MED13: variants seen among roughly 807,000 people sequenced by gnomAD.
The protein encoded by MED13 is mediator complex subunit 13, also known as mediator of RNA polymerase II transcription subunit 13.
A neutral mutation model predicts 225.2 loss-of-function variants in MED13; 23 were observed. The observed-to-expected ratio is 0.10, with a 90% CI of 0.07 to 0.14. The LOEUF is 0.14. Among genes scored for constraint, MED13 ranks in the 10% least tolerant of loss-of-function variants. The pLI, the probability that MED13 is intolerant of heterozygous loss-of-function variation, is 1.00. For missense variants in MED13, 2,197 were observed against 2,594.5 expected, an observed-to-expected ratio of 0.85 and a Z score of 3.33; for synonymous variants, 942 against 889.2, an observed-to-expected ratio of 1.06 and a Z score of -1.06.
intron 8 of MED13, among the ~76,000 whole-genome samples, chr17:62,017,160 C>T (rs1007147247): frequency 3.4e-5 from 5 of 148,842 alleles, no homozygotes; most frequent in Non-Finnish European, 5.9e-5. Context: ...TTGCCCAATT[C>T]GCTTACTTTT....
At chr17:62,047,089 G>A (rs952222553) in intron 3 of MED13, among the ~76,000 whole-genome samples, 8 of 151,494 alleles carry the variant, frequency 5.3e-5, no homozygotes, top group African/African-American at 1.2e-4. Context: ...GAATGAGTTC[G>A]GCTGGGCATG....
At chr17:61,980,790 T>G (rs1241446911) in intron 16 of MED13, among the ~76,000 whole-genome samples, 1 of 152,170 alleles carries the variant, frequency 6.6e-6, no homozygotes, top group Non-Finnish European at 1.5e-5. Flanking sequence ...TTGCCCAGGC[T>G]GGAGTGCAGT....
chr17:62,034,129 T>C (rs949832529), intron 4 of MED13, 145 bp from the exon 5 acceptor site: 23 of 662,892 alleles, frequency 3.5e-5, no homozygotes, highest in African/African-American at 2.9e-4. Context: ...AATCAACTTA[T>C]TATACTTCGT....
chr17:62,039,566 G>A (rs2080835208), intron 3 of MED13, among the ~76,000 whole-genome samples: 1 of 148,288 alleles, frequency 6.7e-6, no homozygotes, highest in South Asian at 2.1e-4. Context: ...TTACAGGCAT[G>A]AACCACCGCA....
chr17:62,042,560 CAAA>C (rs377646442), intron 3 of MED13, among the ~76,000 whole-genome samples: 2 of 60,300 alleles, frequency 3.3e-5, no homozygotes, highest in Admixed American at 1.9e-4. Context: ...GGTTTCATCT[CAAA>C]AAAAAAAAAA....
chr17:61,987,568 C>T (rs907884233), intron 11 of MED13, among the ~76,000 whole-genome samples: 6 of 151,854 alleles, frequency 4.0e-5, no homozygotes, highest in Middle Eastern at 3.4e-3. Context: ...TGTTTAAAAT[C>T]GAGAAAGTGT....
At chr17:62,006,121 A>G (rs1208971681) in intron 9 of MED13, 1 of 152,180 alleles carries the variant, frequency 6.6e-6, no homozygotes, top group African/African-American at 2.4e-5. Flanking sequence ...AGCCTACAAT[A>G]TGCAAAAGAA....
In MED13 at chr17:61,972,901, T is replaced by TA. The variant is rs762276732; in HGVS notation, c.3806-14dup. On this transcript the variant is annotated splice_polypyrimidine_tract_variant and intron_variant, in intron 16 of 29. Coordinates refer to ENST00000397786, the MANE Select transcript of MED13 (RefSeq NM_005121.3). Reference sequence around the variant, plus strand: ...TGCATACTCACATCTACAAGCATTTTAAAAAAAACAAGTAATTAAGAATTG... The same window carrying TA: ...TGCATACTCACATCTACAAGCATTTTAAAAAAAAACAAGTAATTAAGAATTG... The TA allele has an allele frequency of 5.4e-5, 84 of 1,560,624 alleles. No homozygotes were observed. The highest frequency in any genetic ancestry group is 1.7e-4 in the South Asian group (14 of 82,838).
intron 8 of MED13, among the ~76,000 whole-genome samples, chr17:62,027,646 C>A (rs2080715302): frequency 6.6e-6 from 1 of 152,060 alleles, no homozygotes; most frequent in Non-Finnish European, 1.5e-5. Context: ...AAACAGATAA[C>A]CTACATAATG....
intron 16 of MED13, among the ~76,000 whole-genome samples, chr17:61,980,294 T>C (rs892936645): frequency 6.6e-6 from 1 of 152,118 alleles, no homozygotes; most frequent in Non-Finnish European, 1.5e-5. Context: ...TGGTGCCTTT[T>C]CTCCCTCCCC....
intron 2 of MED13, among the ~76,000 whole-genome samples, chr17:62,062,601 CACACACACACACACA>C (rs1044339726): frequency 2.0e-4 from 2 of 10,164 alleles, no homozygotes; most frequent in African/African-American, 5.8e-4. Context: ...ACACACACAC[CACACACACACACACA>C]CACACACACA....
chr17:62,012,327 C>CTT (rs60421231), intron 8 of MED13, among the ~76,000 whole-genome samples: 1,451 of 129,606 alleles, frequency 0.011, 42 homozygotes, highest in African/African-American at 0.04. Flanking sequence ...CACTAAGAAA[C>CTT]TTTTTTTTTT....
chr17:61,961,074 C>T lies in MED13; in HGVS notation c.5273G>A (p.Arg1758Gln), dbSNP rs757089161. 67 of 1,612,974 alleles carry T rather than the reference C, an allele frequency of 4.2e-5. 1 individual carries two copies. The South Asian group carries it at 5.8e-4, about 14-fold the overall frequency. Residue 1758 changes from arginine (R) to glutamine (Q), a missense_variant, in exon 23 of 30, where the codon CGA (arginine) becomes CAA (glutamine). Around this residue, in one of 12 missense-constraint regions of MED13, gnomAD observed 457 missense variants for 442.2 expected, o/e 1.03. Coordinates refer to ENST00000397786, the MANE Select transcript of MED13 (RefSeq NM_005121.3). Reference protein sequence around the residue: ...LRSPDRPECIRLYAPPFILAP... With the variant: ...LRSPDRPECIQLYAPPFILAP... ...CAGAATAAAAGGAGGTGCATAAAGT[C>T]GAATACACTCTGGTCTCTATAAAAT...
Position 61,955,852 on chromosome 17 carries a change from C to T in MED13, c.5624-14G>A. On this transcript the variant is annotated splice_polypyrimidine_tract_variant and intron_variant, in intron 24 of 29. Transcript: ENST00000397786. ...AACAGCTCCAATCTGTGGGTATCAA[C>T]AGTAAAAAAAAAAAAAAAAAAAAAA... is the stretch of plus-strand genomic sequence containing the variant. 1 of 187,802 alleles carries T rather than the reference C, an allele frequency of 5.3e-6. No homozygotes were observed. Among genetic ancestry groups the T allele is most frequent in the Non-Finnish European group, 7.1e-6 (1 of 140,184 alleles). The allele number at this position is 187,802 out of a possible 1,614,324, so 11.6% of individuals were successfully genotyped here.
chr17:61,957,380 T>C (rs2079955968), intron 23 of MED13, among the ~76,000 whole-genome samples: 1 of 148,268 alleles, frequency 6.7e-6, no homozygotes, highest in South Asian at 2.2e-4. Context: ...GACGGAGTCT[T>C]GCTCTGTCGC....
rs2079889666 is a variant in MED13 at position 61,950,727 on chromosome 17, T to C, written c.6291+98A>G. ...ACATATGGCAGTGCATTTAAGAACT[T>C]AGACAAGCTATAAGACTTAAAAAAG... On this transcript the variant is annotated intron_variant, in intron 28 of 29. Transcript: ENST00000397786. 6.4e-6 allele frequency: 8 copies of C among 1,243,040 alleles called. No homozygotes were observed. The South Asian group carries it at 9.2e-5, about 14-fold the overall frequency. The allele number at this position is 1,243,040 out of a possible 1,614,324, so 77.0% of individuals were successfully genotyped here.
intron 20 of MED13, 25 bp downstream of exon 20, chr17:61,964,981 C>CA: frequency 6.3e-7 from 1 of 1,582,550 alleles, no homozygotes; most frequent in South Asian, 1.2e-5. Flanking sequence ...TATATTTCTG[C>CA]AAAAATCAGT....
At chr17:62,063,643 G>A (rs1371382223) in intron 1 of MED13, among the ~76,000 whole-genome samples, 1 of 152,114 alleles carries the variant, frequency 6.6e-6, no homozygotes, top group Non-Finnish European at 1.5e-5. Flanking sequence ...TTTGTTCACT[G>A]GTGTCAAACT....
intron 2 of MED13, among the ~76,000 whole-genome samples, chr17:62,061,299 A>C (rs1166490145): frequency 9.2e-5 from 14 of 152,108 alleles, no homozygotes; most frequent in Non-Finnish European, 2.1e-4. Flanking sequence ...TGGAAGGATC[A>C]CTAGAGTTCA....
Sources: gnomAD v4.1 joint callset for allele counts (sites outside exome capture counted in the v4.1 genomes callset) on GRCh38, gnomAD v4.1.1 for gene constraint, gnomAD v4.1.1 regional missense constraint, MANE v1.5 for transcripts, NCBI Gene and HGNC (gene_info 2026-07-23, HGNC 2026-07-21) for gene names.